Variants in HNF4G observed in about 807,000 individuals in gnomAD.
HNF4G encodes hepatocyte nuclear factor 4-gamma.
In HNF4G, 21 loss-of-function variants were observed where a neutral mutation model predicts 50.9. The observed-to-expected ratio is 0.41, with a 90% confidence interval of 0.29 to 0.59. HNF4G has a LOEUF of 0.59. Ranked by LOEUF, HNF4G falls within the 20% of genes least tolerant of loss-of-function variation. The pLI is 0.26. For synonymous variants in HNF4G, 198 were observed against 185.6 expected (o/e 1.07, Z -0.54); for missense variants, 527 against 559.4 (o/e 0.94, Z 0.58).
intron 1 of HNF4G, among the ~76,000 whole-genome samples, chr8:75,422,985 C>T (rs1810807524): frequency 6.6e-6 from 1 of 152,122 alleles, no homozygotes; most frequent in Admixed American, 6.5e-5. Flanking sequence ...ATGGGTGTTA[C>T]ACAACCAGTT....
chr8:75,503,690 A>T (rs1042892397), intron 2 of HNF4G, among the ~76,000 whole-genome samples: 1 of 152,188 alleles, frequency 6.6e-6, no homozygotes, highest in Non-Finnish European at 1.5e-5. Context: ...TGATTTTTTG[A>T]GTCTGACAAA....
chr8:75,475,895 A>T (rs1228030499), intron 1 of HNF4G, among the ~76,000 whole-genome samples: 1 of 152,162 alleles, frequency 6.6e-6, no homozygotes, highest in Non-Finnish European at 1.5e-5. Context: ...TCAATTTCTG[A>T]TGAAAATTGT....
chr8:75,530,430 T>A (rs76717689), intron 2 of HNF4G, among the ~76,000 whole-genome samples: 20 of 146,526 alleles, frequency 1.4e-4, no homozygotes, highest in African/African-American at 2.2e-4. Flanking sequence ...CCACCAGTAA[T>A]AAAAAAAAAA....
At chr8:75,528,947 C>T (rs1462822935) in intron 2 of HNF4G, among the ~76,000 whole-genome samples, 2 of 152,066 alleles carry the variant, frequency 1.3e-5, no homozygotes, top group African/African-American at 2.4e-5. Flanking sequence ...CAGGACACCT[C>T]CTGCCTGGCA....
At position 75,450,217 on chromosome 8, in the gene HNF4G, G is replaced by A. The variant is rs141396142; in HGVS notation, c.-143-39872G>A. Among the ~76,000 whole-genome samples the A allele has an allele frequency of 2.6e-3, 403 of 152,288 alleles. 1 individual carries two copies. Among genetic ancestry groups the A allele is most frequent in the African/African-American group, 9.2e-3 (383 of 41,564 alleles). Reference sequence around the variant, plus strand: ...TTTTAAGGCCGAATAATATTCAATTGTGTATGTATTCGACATTTTCTTTAT... The same window carrying A: ...TTTTAAGGCCGAATAATATTCAATTATGTATGTATTCGACATTTTCTTTAT... On this transcript the variant is annotated intron_variant, in intron 1 of 10. Coordinates refer to the HNF4G transcript ENST00000354370.
chr8:75,485,538 TA>T (rs1418924350), intron 1 of HNF4G, among the ~76,000 whole-genome samples: 1 of 152,236 alleles, frequency 6.6e-6, no homozygotes, highest in Non-Finnish European at 1.5e-5. Context: ...GCTGATTGAA[TA>T]TATTTCTTTC....
intron 1 of HNF4G, among the ~76,000 whole-genome samples, chr8:75,479,074 G>A (rs1467861657): frequency 4.6e-5 from 7 of 152,144 alleles, no homozygotes; most frequent in African/African-American, 1.7e-4. Flanking sequence ...ATCTAGCACA[G>A]AATTGGCCCT....
chr8:75,509,486 A>G (rs1456943294), intron 2 of HNF4G, among the ~76,000 whole-genome samples: 1 of 152,196 alleles, frequency 6.6e-6, no homozygotes, highest in Non-Finnish European at 1.5e-5. Flanking sequence ...TATGGGACAC[A>G]TGTATTTTAA....
At chr8:75,483,512 C>T (rs1812428695) in intron 1 of HNF4G, among the ~76,000 whole-genome samples, 1 of 152,134 alleles carries the variant, frequency 6.6e-6, no homozygotes, top group South Asian at 2.1e-4. Flanking sequence ...GCAGTGAGGC[C>T]ATTTCTTTTC....
chr8:75,499,825 C>T (rs1311371348), intron 2 of HNF4G, among the ~76,000 whole-genome samples: 1 of 151,928 alleles, frequency 6.6e-6, no homozygotes, highest in Non-Finnish European at 1.5e-5. Flanking sequence ...GATAGGACAA[C>T]TGGAAATTTA....
At chr8:75,440,501 C>T (rs1241384281) in intron 1 of HNF4G, among the ~76,000 whole-genome samples, 2 of 152,174 alleles carry the variant, frequency 1.3e-5, no homozygotes, top group East Asian at 3.8e-4. Context: ...TGTATAGTTT[C>T]ACAGATTGCC....
intron 2 of HNF4G, among the ~76,000 whole-genome samples, chr8:75,528,050 G>C (rs1806228374): frequency 6.6e-6 from 1 of 152,142 alleles, no homozygotes; most frequent in Non-Finnish European, 1.5e-5. Flanking sequence ...GTTCATGTGA[G>C]AGTGCATAAT....
chr8:75,454,455 A>G (rs1811670623), intron 1 of HNF4G, among the ~76,000 whole-genome samples: 1 of 152,210 alleles, frequency 6.6e-6, no homozygotes. Flanking sequence ...TGTGTCTGGT[A>G]CTTGGTACCC....
intron 1 of HNF4G, among the ~76,000 whole-genome samples, chr8:75,432,351 C>A (rs1157219103): frequency 4.6e-5 from 7 of 151,990 alleles, no homozygotes; most frequent in Non-Finnish European, 1.0e-4. Context: ...GAATCTCACT[C>A]TGTTGCCCAG....
chr8:75,548,981 C>T lies in HNF4G; in HGVS notation c.382+1300C>T, dbSNP rs73690961. Among the ~76,000 whole-genome samples, 763 of 152,266 alleles carry T rather than the reference C, an allele frequency of 5.0e-3. 13 individuals carry two copies. The highest frequency in any genetic ancestry group is 0.018 in the African/African-American group (738 of 41,560). The stretch of plus-strand genomic sequence containing the variant: ...TAATTTCATAGGAAGCTCTATTTGG[C>T]AGTTTATGGAACTAATTACACACTT... On this transcript the variant is annotated intron_variant, in intron 3 of 9. Transcript: ENST00000396423.
intron 1 of HNF4G, among the ~76,000 whole-genome samples, chr8:75,487,028 T>TA (rs1812514716): frequency 7.1e-6 from 1 of 141,354 alleles, no homozygotes; most frequent in African/African-American, 3.0e-5. Flanking sequence ...AAGAAAAAAC[T>TA]AGGTAATGTT....
intron 2 of HNF4G, among the ~76,000 whole-genome samples, chr8:75,507,649 A>C (rs1805631681): frequency 6.6e-6 from 1 of 152,224 alleles, no homozygotes; most frequent in African/African-American, 2.4e-5. Flanking sequence ...AATTAAAAAC[A>C]TTAAAAGGTA....
chr8:75,416,603 A>G (rs1810641944), intron 1 of HNF4G, among the ~76,000 whole-genome samples: 1 of 152,122 alleles, frequency 6.6e-6, no homozygotes, highest in Non-Finnish European at 1.5e-5. Context: ...TATGTTTAAT[A>G]TGCTCATACA....
At chr8:75,549,377 A>G (rs2130797965) in intron 3 of HNF4G, among the ~76,000 whole-genome samples, 1 of 152,290 alleles carries the variant, frequency 6.6e-6, no homozygotes. Context: ...AAATTCATAA[A>G]CGCTTAGCTA....
Sources: gnomAD v4.1 joint callset for allele counts (sites outside exome capture counted in the v4.1 genomes callset) on GRCh38, gnomAD v4.1.1 for gene constraint, MANE v1.5 for transcripts, NCBI Gene and HGNC (gene_info 2026-07-23, HGNC 2026-07-21) for gene names.